Variants in TAF3 observed in about 807,000 individuals in gnomAD.
TAF3 encodes the protein TATA-box binding protein associated factor 3.
Under a neutral mutation model 80.6 loss-of-function variants are expected in TAF3, and 7 were observed. The ratio of observed to expected loss-of-function variants is 0.09; its 90% CI spans 0.05 to 0.16. The LOEUF (loss-of-function observed/expected upper bound fraction) is 0.16, where lower values mean the gene tolerates loss of function less well. TAF3 is among the 10% of genes least tolerant of loss of function. TAF3 has a pLI of 1.00. For synonymous variants in TAF3, 444 were observed against 446.1 expected (o/e 1.00, Z 0.06); for missense variants, 921 against 1,140.2 (o/e 0.81, Z 2.77).
chr10:7,926,648 G>A (rs990119999), intron 2 of TAF3, among the ~76,000 whole-genome samples: 1 of 151,996 alleles, frequency 6.6e-6, no homozygotes, highest in Non-Finnish European at 1.5e-5. Flanking sequence ...AATTACTCTG[G>A]TCAATTGAAA....
At chr10:7,988,932 A>G (rs1294407600) in intron 4 of TAF3, among the ~76,000 whole-genome samples, 1 of 152,028 alleles carries the variant, frequency 6.6e-6, no homozygotes, top group Admixed American at 6.6e-5. Context: ...TATAAATATC[A>G]CAGTAAAAAT....
chr10:7,985,000 T>C (rs1831762507), intron 4 of TAF3, among the ~76,000 whole-genome samples: 1 of 152,240 alleles, frequency 6.6e-6, no homozygotes, highest in South Asian at 2.1e-4. Context: ...TTTCCTGTTA[T>C]GTTATGGGCC....
At chr10:7,935,169 C>T (rs1473096855) in intron 2 of TAF3, among the ~76,000 whole-genome samples, 1 of 152,052 alleles carries the variant, frequency 6.6e-6, no homozygotes, top group East Asian at 1.9e-4. Flanking sequence ...CCCAGCTACT[C>T]AGGAGGGTGA....
At chr10:7,903,146 G>T (rs574349729) in intron 2 of TAF3, among the ~76,000 whole-genome samples, 7 of 152,306 alleles carry the variant, frequency 4.6e-5, no homozygotes, top group Admixed American at 4.6e-4. Context: ...CTTGAGCCTA[G>T]AAAGTCGAGG....
chr10:7,863,656 CATATATATATACACACAT>C lies in TAF3; in HGVS notation c.409+39114_409+39131del, dbSNP rs1296167008. On this transcript the variant is annotated intron_variant, in intron 2 of 6. Transcript: ENST00000344293. ...ATATATATATATATATACACACACACATATATATATACACACATATATATATATACACACACATATATA... is the reference window on the plus strand; with the variant it reads ...ATATATATATATATATACACACACACATATATATATACACACACATATATA... Among the ~76,000 whole-genome samples the C allele has an allele frequency of 1.8e-4, 16 of 87,450 alleles. 4 individuals are homozygous for C. Among genetic ancestry groups the C allele is most frequent in the South Asian group, 5.0e-4 (1 of 2,016 alleles). 57.4% of individuals were successfully genotyped at this position (87,450 alleles called of 152,430 possible). A position where few individuals can be genotyped will look rare whatever the true frequency, so the allele number is the denominator to read the frequency against.
At chr10:8,006,934 G>T (rs1055822060) in intron 4 of TAF3, among the ~76,000 whole-genome samples, 1 of 152,154 alleles carries the variant, frequency 6.6e-6, no homozygotes, top group Admixed American at 6.5e-5. Context: ...TTTTCACTTT[G>T]TTGCTGAGAA....
rs1177607106 is a variant in TAF3 at position 7,934,645 on chromosome 10, G to A, written c.410-29275G>A. On this transcript the variant is annotated intron_variant, in intron 2 of 6. Transcript: ENST00000344293. ...TTTTTAGTAGGGACGGAGTTTCACC[G>A]TGTTGGCCAGACTGGTCTTGAACTC... is the stretch of plus-strand genomic sequence containing the variant. Among the ~76,000 whole-genome samples the A allele has an allele frequency of 7.2e-5, 11 of 151,828 alleles. No homozygotes were observed. The East Asian group carries it at 9.7e-4, about 13-fold the overall frequency.
At chr10:7,841,199 T>C (rs1836909458) in intron 2 of TAF3, among the ~76,000 whole-genome samples, 1 of 152,246 alleles carries the variant, frequency 6.6e-6, no homozygotes, top group African/African-American at 2.4e-5. Flanking sequence ...TTTGCTTCTT[T>C]TACGGTGGTT....
intron 4 of TAF3, among the ~76,000 whole-genome samples, chr10:8,001,077 A>T (rs1831939595): frequency 6.6e-6 from 1 of 152,002 alleles, no homozygotes; most frequent in Non-Finnish European, 1.5e-5. Flanking sequence ...TCTAGTTTTT[A>T]TTTTTTTATT....
At chr10:7,926,698 T>C (rs2131193571) in intron 2 of TAF3, among the ~76,000 whole-genome samples, 1 of 152,336 alleles carries the variant, frequency 6.6e-6, no homozygotes, top group Admixed American at 6.5e-5. Context: ...TCCACTAATA[T>C]GGTTACTTCA....
At chr10:7,884,261 A>G (rs557287492) in intron 2 of TAF3, among the ~76,000 whole-genome samples, 1 of 151,974 alleles carries the variant, frequency 6.6e-6, no homozygotes, top group Non-Finnish European at 1.5e-5. Flanking sequence ...GCTCCCTCCT[A>G]TGTCCTTAGG....
rs1832086685 is a variant in TAF3, at chr10:8,014,689, C to T, written c.2728C>T (p.Pro910Ser). The T allele has an allele frequency of 1.2e-6, 2 of 1,612,562 alleles. No individual in the cohort carries two copies. Among genetic ancestry groups the T allele is most frequent in the African/African-American group, 1.3e-5 (1 of 74,968 alleles). ...CCCAGAAGAGATGCAGTGGTTCTGC[C>T]CCAAGTGTGCGAACAAGAAGAAGGA... ...APPEEMQWFC[P>S]KCANKKKDKK... is the part of the protein sequence containing the mutation. Residue 910 changes from proline (P) to serine (S), a missense_variant, in exon 7 of 7, where the codon CCC becomes TCC. Pro to Ser is a moderately conservative substitution (Grantham distance 74). Coordinates refer to ENST00000344293, the MANE Select transcript of TAF3 (RefSeq NM_031923.4).
intron 2 of TAF3, among the ~76,000 whole-genome samples, chr10:7,842,010 T>C (rs535032456): frequency 6.6e-6 from 1 of 151,920 alleles, no homozygotes; most frequent in East Asian, 1.9e-4. Flanking sequence ...GGTGGGCTTT[T>C]ACCAAATGAC....
Position 7,824,341 on chromosome 10 carries a change from G to A in TAF3, c.190G>A (p.Asp64Asn). The part of the protein sequence containing the change: ...ELYGRTDPIL[D>N]DVGEAFQLMG... ...AGATGGCCGAACAGACCCAATTTTGGATGATGTTGGTGAAGCTTTCCAGCT... is the reference window on the plus strand; with the variant it reads ...AGATGGCCGAACAGACCCAATTTTGAATGATGTTGGTGAAGCTTTCCAGCT... Residue 64 changes from aspartate to asparagine, a missense_variant, in exon 2 of 7, where the codon GAT becomes AAT. This residue lies in a region of TAF3 where 106 missense variants were observed against 191.8 expected (regional missense o/e 0.55). Transcript: ENST00000344293. 6.2e-7 allele frequency: 1 copy of A among 1,613,690 alleles called. No individual in the cohort carries two copies.
At chr10:7,960,123 T>C (rs898827905) in intron 2 of TAF3, among the ~76,000 whole-genome samples, 1 of 152,198 alleles carries the variant, frequency 6.6e-6, no homozygotes, top group Non-Finnish European at 1.5e-5. Context: ...TTTGGCATCA[T>C]TGGGATTTAT....
chr10:8,003,805 G>A (rs772176969), intron 4 of TAF3, among the ~76,000 whole-genome samples: 1 of 152,046 alleles, frequency 6.6e-6, no homozygotes, highest in Admixed American at 6.5e-5. Flanking sequence ...CAGCTATTAG[G>A]TAGGCTGAGG....
intron 2 of TAF3, among the ~76,000 whole-genome samples, chr10:7,875,765 G>C (rs998867791): frequency 5.9e-5 from 9 of 152,026 alleles, no homozygotes; most frequent in Non-Finnish European, 1.2e-4. Flanking sequence ...AAAAGAAAGA[G>C]GAGAAATCTT....
At chr10:7,930,671 A>G (rs1024421373) in intron 2 of TAF3, among the ~76,000 whole-genome samples, 2 of 152,202 alleles carry the variant, frequency 1.3e-5, no homozygotes, top group Non-Finnish European at 2.9e-5. Flanking sequence ...GCGCCATTTG[A>G]TCAGAGTAGG....
chr10:7,986,491 G>A (rs2131425339), intron 4 of TAF3, among the ~76,000 whole-genome samples: 1 of 152,242 alleles, frequency 6.6e-6, no homozygotes, highest in Non-Finnish European at 1.5e-5. Flanking sequence ...TAATAGAATT[G>A]GGAGATTTTC....
Sources: gnomAD v4.1 joint callset for allele counts (sites outside exome capture counted in the v4.1 genomes callset) on GRCh38, gnomAD v4.1.1 for gene constraint, gnomAD v4.1.1 regional missense constraint, MANE v1.5 for transcripts, NCBI Gene and HGNC (gene_info 2026-07-23, HGNC 2026-07-21) for gene names.